KLF13: variants seen among roughly 807,000 people sequenced by gnomAD.
The protein encoded by KLF13 is Krueppel-like factor 13.
KLF13 carries 8 observed loss-of-function variants against 16.7 expected under a neutral mutation model. The observed-to-expected ratio is 0.48, with a 90% confidence interval of 0.28 to 0.87. The LOEUF (loss-of-function observed/expected upper bound fraction) is 0.87. KLF13 is among the 40% of genes least tolerant of loss of function. The probability of loss-of-function intolerance (pLI) is 0.10; values close to 1 mark genes in which losing one functional copy is unlikely to be tolerated. For synonymous variants in KLF13, 245 were observed against 208.4 expected (o/e 1.18, Z -1.51); for missense variants, 447 against 452.2 (o/e 0.99, Z 0.10).
At chr15:31,351,714 C>CT (rs1457923344) in intron 1 of KLF13, among the ~76,000 whole-genome samples, 1 of 152,182 alleles carries the variant, frequency 6.6e-6, no homozygotes, top group African/African-American at 2.4e-5. Flanking sequence ...TGTTGGATGT[C>CT]TAAAAGGGTT....
chr15:31,337,795 C>T (rs189421281), intron 1 of KLF13, among the ~76,000 whole-genome samples: 2 of 152,212 alleles, frequency 1.3e-5, no homozygotes, highest in Non-Finnish European at 2.9e-5. Context: ...TTGTTTGAAA[C>T]GTCATTATGT....
At chr15:31,389,000 A>G (rs2039828874), upstream of KLF13, among the ~76,000 whole-genome samples, 1 of 152,088 alleles carries the variant, frequency 6.6e-6, no homozygotes, top group Admixed American at 6.5e-5. Context: ...GCTTCCTAAT[A>G]TGAAAGATGA....
chr15:31,345,182 A>C (rs145190498), intron 1 of KLF13, among the ~76,000 whole-genome samples: 59 of 152,340 alleles, frequency 3.9e-4, no homozygotes, highest in African/African-American at 1.4e-3. Flanking sequence ...GACAGATGGC[A>C]TGCAGGCGTG....
At chr15:31,383,201 T>C (rs2039749297) in intron 1 of KLF13, among the ~76,000 whole-genome samples, 1 of 152,224 alleles carries the variant, frequency 6.6e-6, no homozygotes, top group African/African-American at 2.4e-5. Context: ...CTTGTCTGTC[T>C]CCTGCTCTTT....
chr15:31,350,345 C>T (rs989366036), intron 1 of KLF13, among the ~76,000 whole-genome samples: 1 of 152,206 alleles, frequency 6.6e-6, no homozygotes, highest in African/African-American at 2.4e-5. Context: ...TTCGGAACCT[C>T]GCCTTAGCTC....
At chr15:31,382,980 A>T (rs1300010498) in intron 1 of KLF13, among the ~76,000 whole-genome samples, 1 of 152,190 alleles carries the variant, frequency 6.6e-6, no homozygotes, top group African/African-American at 2.4e-5. Context: ...AATGTCTTCC[A>T]TTCCCAACCT....
intron 1 of KLF13, among the ~76,000 whole-genome samples, chr15:31,350,160 C>T (rs1027171839): frequency 2.0e-5 from 3 of 152,204 alleles, no homozygotes; most frequent in Admixed American, 6.5e-5. Flanking sequence ...CCAATATGCC[C>T]ATTACAGGGC....
chr15:31,401,580 AGTGGGGGCCACCTG>A (rs966632287), intron 2 of KLF13, among the ~76,000 whole-genome samples: 4 of 152,172 alleles, frequency 2.6e-5, no homozygotes, highest in African/African-American at 9.7e-5. Flanking sequence ...ACCAGCATTG[AGTGGGGGCCACCTG>A]GTGTGTGGGG....
At chr15:31,352,097 G>C (rs1461036872) in intron 1 of KLF13, among the ~76,000 whole-genome samples, 1 of 152,122 alleles carries the variant, frequency 6.6e-6, no homozygotes, top group Non-Finnish European at 1.5e-5. Flanking sequence ...ACAAAAAAAG[G>C]GTTTTGCAGT....
rs1228906974 is a variant in KLF13 at position 31,423,117 on chromosome 15, A to G, written n.118-12253A>G. Among the ~76,000 whole-genome samples, 22 of 126,932 alleles carry G rather than the reference A, an allele frequency of 1.7e-4. 1 individual carries two copies. Among genetic ancestry groups the G allele is most frequent in the African/African-American group, 7.4e-4 (19 of 25,790 alleles). The allele number at this position is 126,932 out of a possible 152,430, so 83.3% of individuals were successfully genotyped here. On this transcript the variant is annotated intron_variant and non_coding_transcript_variant, in intron 1 of 1. Coordinates refer to the KLF13 transcript ENST00000558225. Reference sequence around the variant, plus strand: ...TATATATACGTATACGTATACGTATATATACGTATATATACGTATACGTAT... The same window carrying G: ...TATATATACGTATACGTATACGTATGTATACGTATATATACGTATACGTAT...
chr15:31,338,166 A>G (rs1304838875), intron 1 of KLF13, among the ~76,000 whole-genome samples: 1 of 152,200 alleles, frequency 6.6e-6, no homozygotes, highest in Admixed American at 6.5e-5. Flanking sequence ...AAGTTCACTC[A>G]CTTTAGCCTT....
At chr15:31,433,402 T>A (rs1236463188) in intron 1 of KLF13, among the ~76,000 whole-genome samples, 1 of 152,172 alleles carries the variant, frequency 6.6e-6, no homozygotes, top group Non-Finnish European at 1.5e-5. Flanking sequence ...GCCAGCTCTC[T>A]CTGTTTAGGT....
intron 1 of KLF13, among the ~76,000 whole-genome samples, chr15:31,357,545 G>T (rs1459520649): frequency 1.3e-5 from 2 of 152,240 alleles, no homozygotes; most frequent in Non-Finnish European, 2.9e-5. Context: ...GGGAGGGAGG[G>T]TGGTCCTGCT....
chr15:31,410,582 AACACACACAC>A lies in KLF13; in HGVS notation n.117+16926_117+16935del, dbSNP rs71110871. ...ACCATGCAGACAGTAAACACCAACC[AACACACACAC>A]ACACACACACACACACACACACACA... is the stretch of plus-strand genomic sequence containing the variant. On this transcript the variant is annotated intron_variant and non_coding_transcript_variant, in intron 1 of 1. Transcript: ENST00000558225. 6.5e-3 allele frequency among the ~76,000 whole-genome samples: 962 copies of A among 146,936 alleles called. 3 individuals are homozygous for A. Among genetic ancestry groups the A allele is most frequent in the African/African-American group, 0.02 (768 of 38,984 alleles).
chr15:31,404,909 G>A (rs2040098549), downstream of KLF13, among the ~76,000 whole-genome samples: 1 of 152,184 alleles, frequency 6.6e-6, no homozygotes, highest in Non-Finnish European at 1.5e-5. Context: ...TCACTCAGGG[G>A]TATGGATGGA....
In KLF13 at chr15:31,377,626, C is replaced by A. The variant is rs1352767833; in HGVS notation, c.*5327C>A. On this transcript the variant is annotated 3_prime_UTR_variant, in exon 2 of 2. Transcript: ENST00000307145. The stretch of plus-strand genomic sequence containing the variant: ...CTCATGTTTTTCTTTTCTGTAGGAA[C>A]TTTTTTTTAACCAGCACCCACCATA... 1 of 152,474 alleles carries A rather than the reference C, an allele frequency of 6.6e-6. No individual in the cohort carries two copies. Among genetic ancestry groups the A allele is most frequent in the Non-Finnish European group, 1.5e-5 (1 of 68,006 alleles). 9.4% of individuals were successfully genotyped at this position (152,474 alleles called of 1,614,324 possible). A position where few individuals can be genotyped will look rare whatever the true frequency, so the allele number is the denominator to read the frequency against.
Position 31,422,994 on chromosome 15 carries a change from G to A in KLF13, n.118-12376G>A, listed in dbSNP as rs1028478573. On this transcript the variant is annotated intron_variant and non_coding_transcript_variant, in intron 1 of 1. Transcript: ENST00000558225. The stretch of plus-strand genomic sequence containing the variant: ...AGAGGTTGCAGTGAGCTGAGATCAC[G>A]CCACTGCACTCCAGCCTGGGTGAGA... Among the ~76,000 whole-genome samples the A allele has an allele frequency of 6.0e-5, 9 of 150,456 alleles. 1 individual carries two copies. The highest frequency in any genetic ancestry group is 2.0e-4 in the African/African-American group (8 of 40,808).
At chr15:31,402,796 A>T (rs1023066159) in intron 2 of KLF13, among the ~76,000 whole-genome samples, 4 of 152,122 alleles carry the variant, frequency 2.6e-5, no homozygotes, top group Admixed American at 6.5e-5. Context: ...TGGGATGTGT[A>T]GGCTGTTCTG....
intron 1 of KLF13, among the ~76,000 whole-genome samples, chr15:31,334,480 T>G (rs978684953): frequency 2.6e-5 from 4 of 151,850 alleles, no homozygotes; most frequent in African/African-American, 9.7e-5. Flanking sequence ...CAGGCTGGAG[T>G]GCAATGGCAC....
Sources: allele counts gnomAD v4.1 joint callset (sites outside exome capture counted in the v4.1 genomes callset), GRCh38; gene constraint gnomAD v4.1.1; transcripts MANE v1.5; gene names NCBI Gene and HGNC (gene_info 2026-07-23, HGNC 2026-07-21).